The following DLG2 variants were observed in gnomAD, a reference collection of about 807,000 sequenced individuals.
The protein encoded by DLG2 is discs large MAGUK scaffold protein 2, also known as disks large homolog 2.
DLG2 carries 45 observed loss-of-function variants against 132.5 expected under a neutral mutation model. That is an observed-to-expected ratio of 0.34 (90% confidence interval 0.27 to 0.44). The LOEUF (loss-of-function observed/expected upper bound fraction) is 0.44. DLG2 is among the 20% of genes least tolerant of loss of function. The pLI is 1.00. For synonymous variants in DLG2, 424 were observed against 419.6 expected (o/e 1.01, Z -0.13); for missense variants, 1,045 against 1,196.9 (o/e 0.87, Z 1.87).
At chr11:84,543,172 T>C (rs1179577716) in intron 6 of DLG2, among the ~76,000 whole-genome samples, 4 of 152,230 alleles carry the variant, frequency 2.6e-5, no homozygotes, top group Admixed American at 1.3e-4. Flanking sequence ...CTCTGAATGA[T>C]ATCCTGACTG....
Position 83,962,937 on chromosome 11 carries a change from C to G in DLG2, c.1288G>C (p.Gly430Arg). Residue 430 changes from glycine to arginine, a missense_variant, in exon 14 of 28, where the codon GGA (glycine) becomes CGA (arginine). This residue lies in a region of DLG2 where 261 missense variants were observed against 256.1 expected (regional missense o/e 1.02). Transcript: ENST00000376104. ...YKTSLPPISP[G>R]RYSPIPKHML... ...TGCTTTGGAATTGGTGAGTACCTTC[C>G]TGGAGAGATGGGTGGCAGGGAGGTT... The G allele has an allele frequency of 6.2e-7, 1 of 1,613,190 alleles. No individual in the cohort carries two copies. Among genetic ancestry groups the G allele is most frequent in the Non-Finnish European group, 8.5e-7 (1 of 1,179,302 alleles).
At chr11:85,429,866 C>A (rs1488006845) in intron 3 of DLG2, among the ~76,000 whole-genome samples, 1 of 151,992 alleles carries the variant, frequency 6.6e-6, no homozygotes, top group Non-Finnish European at 1.5e-5. Context: ...GGGTATATAC[C>A]CAAAGGATTA....
intron 3 of DLG2, among the ~76,000 whole-genome samples, chr11:85,320,131 C>A (rs1292125693): frequency 1.3e-5 from 2 of 151,894 alleles, no homozygotes; most frequent in Non-Finnish European, 2.9e-5. Context: ...CCCTCAGCAT[C>A]ATCCTGTAGA....
intron 6 of DLG2, among the ~76,000 whole-genome samples, chr11:84,710,474 T>C (rs2060258962): frequency 6.6e-6 from 1 of 151,968 alleles, no homozygotes; most frequent in Non-Finnish European, 1.5e-5. Flanking sequence ...CTCCTACCCT[T>C]AGATAATAAG....
chr11:83,963,172 T>G, intron 13 of DLG2, 149 bp from the exon 14 acceptor site: 1 of 760,274 alleles, frequency 1.3e-6, no homozygotes, highest in Admixed American at 2.6e-5. Context: ...AGTTGCAGCT[T>G]ATTTGCATTT....
chr11:85,154,347 C>T (rs2077459578), intron 5 of DLG2, among the ~76,000 whole-genome samples: 1 of 152,026 alleles, frequency 6.6e-6, no homozygotes, highest in East Asian at 1.9e-4. Context: ...AACACAGAAC[C>T]CAAAATAAAA....
At chr11:84,909,559 G>A in intron 6 of DLG2, among the ~76,000 whole-genome samples, 1 of 152,218 alleles carries the variant, frequency 6.6e-6, no homozygotes, top group Middle Eastern at 3.4e-3. Flanking sequence ...AGCAATCATT[G>A]AGTACATTCT....
In DLG2 at chr11:83,981,074, C is replaced by G. The variant is rs186847055; in HGVS notation, c.920-432G>C. 8.5e-5 allele frequency among the ~76,000 whole-genome samples: 13 copies of G among 152,236 alleles called. No homozygotes were observed. The East Asian group carries it at 2.3e-3, about 27-fold the overall frequency. On this transcript the variant is annotated intron_variant, in intron 11 of 27. Coordinates refer to ENST00000376104, the MANE Select transcript of DLG2 (RefSeq NM_001142699.3). ...TCTAGCATAGAGAACAGAAGTACTG[C>G]CAATCACTTGGGCAGAGACCTGGAT...
At chr11:84,072,782 A>C (rs1032433006) in intron 10 of DLG2, among the ~76,000 whole-genome samples, 5 of 152,180 alleles carry the variant, frequency 3.3e-5, no homozygotes, top group African/African-American at 1.2e-4. Flanking sequence ...TGTGGACTTG[A>C]TTAGATTTGG....
At chr11:84,419,116 A>C (rs2098939768) in intron 7 of DLG2, among the ~76,000 whole-genome samples, 1 of 152,188 alleles carries the variant, frequency 6.6e-6, no homozygotes, top group Non-Finnish European at 1.5e-5. Flanking sequence ...GAAAAAATAC[A>C]GAAAAGAGAA....
chr11:83,982,688 T>G (rs2092904276), intron 11 of DLG2, among the ~76,000 whole-genome samples: 1 of 152,142 alleles, frequency 6.6e-6, no homozygotes, highest in Non-Finnish European at 1.5e-5. Context: ...TACAGTGTTC[T>G]TTAAGTCTAC....
intron 3 of DLG2, among the ~76,000 whole-genome samples, chr11:85,295,751 C>T (rs1391598322): frequency 6.6e-6 from 1 of 152,032 alleles, no homozygotes; most frequent in African/African-American, 2.4e-5. Context: ...AAAATCAAAC[C>T]TAAGGAACTC....
intron 14 of DLG2, among the ~76,000 whole-genome samples, chr11:83,942,494 A>G (rs11233828): frequency 0.076 from 11,628 of 152,266 alleles, 608 homozygotes; most frequent in Non-Finnish European, 0.12. Context: ...ATATGTCTAC[A>G]TAAAATTTTT....
At chr11:85,293,635 CT>C (rs147052040) in intron 3 of DLG2, among the ~76,000 whole-genome samples, 1 of 152,116 alleles carries the variant, frequency 6.6e-6, no homozygotes, top group African/African-American at 2.4e-5. Context: ...AAAAGAAAAG[CT>C]TATGAACTAT....
At chr11:84,335,066 T>C (rs2154403089) in intron 7 of DLG2, among the ~76,000 whole-genome samples, 1 of 150,392 alleles carries the variant, frequency 6.6e-6, no homozygotes, top group South Asian at 2.1e-4. Context: ...ATTTAAAAAC[T>C]GATGCCATCC....
chr11:84,386,581 T>C (rs1393995516), intron 7 of DLG2, among the ~76,000 whole-genome samples: 1 of 152,138 alleles, frequency 6.6e-6, no homozygotes, highest in Non-Finnish European at 1.5e-5. Flanking sequence ...ATTTTCTACA[T>C]TTTGTTACAC....
At chr11:84,607,075 A>C (rs967102037) in intron 6 of DLG2, among the ~76,000 whole-genome samples, 26 of 152,230 alleles carry the variant, frequency 1.7e-4, no homozygotes, top group Admixed American at 1.6e-3. Flanking sequence ...TTTTAGTGTT[A>C]TTCAAGCATC....
intron 7 of DLG2, among the ~76,000 whole-genome samples, chr11:84,471,271 G>T (rs1273376033): frequency 6.6e-6 from 1 of 151,628 alleles, no homozygotes; most frequent in African/African-American, 2.4e-5. Flanking sequence ...GATTACAAGG[G>T]CACCCCTTGA....
At chr11:85,212,038 C>A (rs1213588176) in intron 4 of DLG2, among the ~76,000 whole-genome samples, 2 of 152,096 alleles carry the variant, frequency 1.3e-5, no homozygotes, top group African/African-American at 2.4e-5. Context: ...ATTCCCATTG[C>A]ATTTTATCTA....
Sources: gnomAD v4.1 joint callset for allele counts (sites outside exome capture counted in the v4.1 genomes callset) on GRCh38, gnomAD v4.1.1 for gene constraint, gnomAD v4.1.1 regional missense constraint, MANE v1.5 for transcripts, NCBI Gene and HGNC (gene_info 2026-07-23, HGNC 2026-07-21) for gene names.